Variants in KCNJ1 observed in about 807,000 individuals in gnomAD.
KCNJ1 encodes ATP-sensitive inward rectifier potassium channel 1.
A neutral mutation model predicts 21.9 loss-of-function variants in KCNJ1; 24 were observed. The observed-to-expected ratio is 1.10, with a 90% CI of 0.79 to 1.54. The LOEUF (loss-of-function observed/expected upper bound fraction) is 1.54, where lower values mean the gene tolerates loss of function less well. Ranked by LOEUF, KCNJ1 falls within the 40% of genes most tolerant of loss-of-function variation. The pLI is 0.00. For synonymous variants in KCNJ1, 152 were observed against 160.9 expected, an observed-to-expected ratio of 0.94 and a Z score of 0.42; for missense variants, 457 against 455.4, an observed-to-expected ratio of 1.00 and a Z score of -0.03.
rs899001280 is a variant in KCNJ1 at position 128,838,628 on chromosome 11, CATTG to C, written c.*493_*496del. The C allele has an allele frequency of 2.5e-5, 4 of 156,970 alleles. No homozygotes were observed. The highest frequency in any genetic ancestry group is 2.5e-4 in the Admixed American group (4 of 16,176). 9.7% of individuals were successfully genotyped at this position (156,970 alleles called of 1,614,324 possible). On this transcript the variant is annotated 3_prime_UTR_variant, in exon 3 of 3. Coordinates refer to ENST00000392666, the MANE Select transcript of KCNJ1 (RefSeq NM_153766.3). ...GTTCTTTGTGTAAGCGTTTTCTTGTCATTGATTGGTTGGTTCATCTCCCCAAATT... is the reference window on the plus strand; with the variant it reads ...GTTCTTTGTGTAAGCGTTTTCTTGTCATTGGTTGGTTCATCTCCCCAAATT...
intron 2 of KCNJ1, among the ~76,000 whole-genome samples, chr11:128,841,339 G>A (rs539661846): frequency 6.6e-5 from 10 of 152,304 alleles, no homozygotes; most frequent in East Asian, 1.9e-4. Context: ...TTCAGTAAAC[G>A]TAAATGAAAT....
intron 1 of KCNJ1, among the ~76,000 whole-genome samples, chr11:128,857,698 G>A (rs2135956912): frequency 6.6e-6 from 1 of 152,288 alleles, no homozygotes; most frequent in East Asian, 1.9e-4. Flanking sequence ...AAACATCCAG[G>A]GATGGTGTGG....
At chr11:128,858,205 G>A (rs569049612) in intron 1 of KCNJ1, among the ~76,000 whole-genome samples, 29 of 151,682 alleles carry the variant, frequency 1.9e-4, no homozygotes, top group Admixed American at 7.2e-4. Flanking sequence ...GAAGGGATGC[G>A]GAGGCAAAGA....
rs892013110 is a variant in KCNJ1, at chr11:128,839,826, G to A, written c.418C>T (p.Leu140=). 1 of 1,614,136 alleles carries A rather than the reference G, an allele frequency of 6.2e-7. No individual in the cohort carries two copies. Among genetic ancestry groups the A allele is most frequent in the Non-Finnish European group, 8.5e-7 (1 of 1,180,000 alleles). Residue 140 remains leucine, a synonymous_variant, in exon 3 of 3, where the codon CTG becomes TTG. Coordinates refer to ENST00000392666, the MANE Select transcript of KCNJ1 (RefSeq NM_153766.3). The part of the protein sequence containing the change: ...VTEQCATAIF[L]LIFQSILGVI... ...CCAAGTATAGACTGAAAGATAAGCAGAAAAATGGCAGTGGCACACTGTTCT... is the reference window on the plus strand; with the variant it reads ...CCAAGTATAGACTGAAAGATAAGCAAAAAAATGGCAGTGGCACACTGTTCT...
chr11:128,865,793 T>C lies in KCNJ1; in HGVS notation c.-192+1380A>G, dbSNP rs569049517. 9.7e-4 allele frequency among the ~76,000 whole-genome samples: 148 copies of C among 152,132 alleles called. 1 individual carries two copies. Among genetic ancestry groups the C allele is most frequent in the African/African-American group, 3.3e-3 (136 of 41,502 alleles). On this transcript the variant is annotated intron_variant, in intron 1 of 2. Transcript: ENST00000392666. ...CATTACTGAGGAAAGGAAAAGAACGTGAATGGGGAATTTTGAGACTTAGCT... is the reference window on the plus strand; with the variant it reads ...CATTACTGAGGAAAGGAAAAGAACGCGAATGGGGAATTTTGAGACTTAGCT...
At chr11:128,846,214 T>C (rs1446637898) in intron 2 of KCNJ1, among the ~76,000 whole-genome samples, 2 of 152,158 alleles carry the variant, frequency 1.3e-5, no homozygotes, top group African/African-American at 4.8e-5. Flanking sequence ...TCAGGTGAGC[T>C]AAGCAAACCA....
intron 1 of KCNJ1, among the ~76,000 whole-genome samples, chr11:128,852,925 G>A (rs1162485924): frequency 3.3e-5 from 5 of 152,246 alleles, no homozygotes; most frequent in African/African-American, 4.8e-5. Flanking sequence ...AGGAGAGGCC[G>A]GTGGTACCTA....
rs571783808 is a variant in KCNJ1 at position 128,838,831 on chromosome 11, A to T, written c.*294T>A. 2 of 373,740 alleles carry T rather than the reference A, an allele frequency of 5.4e-6. No individual in the cohort carries two copies. The highest frequency in any genetic ancestry group is 4.2e-5 in the African/African-American group (2 of 48,100). 23.2% of individuals were successfully genotyped at this position (373,740 alleles called of 1,614,324 possible). On this transcript the variant is annotated 3_prime_UTR_variant, in exon 3 of 3. Transcript: ENST00000392666. ...TGTTCATGAAACTTTTGATAATTTT[A>T]TCTGCTCCAATCCACCTTATATGAG... is the stretch of plus-strand genomic sequence containing the variant.
At chr11:128,860,162 A>G (rs1337726757) in intron 1 of KCNJ1, among the ~76,000 whole-genome samples, 1 of 152,216 alleles carries the variant, frequency 6.6e-6, no homozygotes, top group Non-Finnish European at 1.5e-5. Context: ...GATGACAATG[A>G]TGCTATCTAC....
At chr11:128,849,655 A>C (rs919842177) in intron 2 of KCNJ1, among the ~76,000 whole-genome samples, 4 of 152,228 alleles carry the variant, frequency 2.6e-5, no homozygotes, top group Non-Finnish European at 5.9e-5. Context: ...TGATATCAAC[A>C]GAATTAAGAA....
chr11:128,852,878 C>A (rs1591414687), intron 1 of KCNJ1, among the ~76,000 whole-genome samples: 2 of 152,264 alleles, frequency 1.3e-5, no homozygotes, highest in South Asian at 4.1e-4. Context: ...CATGCCAAGG[C>A]AGGCAAGCTC....
At chr11:128,855,663 G>A (rs760238330) in intron 1 of KCNJ1, among the ~76,000 whole-genome samples, 13 of 152,140 alleles carry the variant, frequency 8.5e-5, no homozygotes, top group South Asian at 2.1e-4. Flanking sequence ...AAACCTGAAC[G>A]TTCTCCTCCA....
intron 1 of KCNJ1, chr11:128,866,476 T>C (rs1369523195): frequency 2.6e-6 from 2 of 760,634 alleles, no homozygotes; most frequent in Non-Finnish European, 3.2e-6. Context: ...TAAGCGTCTA[T>C]GCACCAAATC....
intron 2 of KCNJ1, chr11:128,842,361 A>C: frequency 6.2e-7 from 1 of 1,613,640 alleles, no homozygotes; most frequent in Non-Finnish European, 8.5e-7. Context: ...CAGAGAGGTG[A>C]TTTCCCCAGC....
At chr11:128,855,849 T>G (rs1043951088) in intron 1 of KCNJ1, among the ~76,000 whole-genome samples, 2 of 152,160 alleles carry the variant, frequency 1.3e-5, no homozygotes, top group Admixed American at 1.3e-4. Flanking sequence ...AAAGGCTGAG[T>G]TGGCACTTGG....
rs537647543 is a variant in KCNJ1, at chr11:128,839,425, T to C, written c.819A>G (p.Glu273=). Residue 273 remains glutamate (E), a synonymous_variant, in exon 3 of 3, where the codon GAA becomes GAG. Coordinates refer to ENST00000392666, the MANE Select transcript of KCNJ1 (RefSeq NM_153766.3). ...AAETLLQQDF[E]LVVFLDGTVE... ...CTGTGCCATCTAAAAACACCACTAA[T>C]TCAAAGTCCTGCTGGAGAAGGGTCT... 6 of 1,614,140 alleles carry C rather than the reference T, an allele frequency of 3.7e-6. No individual in the cohort carries two copies. The highest frequency in any genetic ancestry group is 1.3e-5 in the African/African-American group (1 of 75,044).
chr11:128,857,433 T>C (rs1454200704), intron 1 of KCNJ1, among the ~76,000 whole-genome samples: 1 of 152,172 alleles, frequency 6.6e-6, no homozygotes, highest in African/African-American at 2.4e-5. Flanking sequence ...CTTGCCTTCC[T>C]CTGAATACCC....
In KCNJ1 at chr11:128,839,105, C is replaced by T; in HGVS notation, c.*20G>A. The T allele has an allele frequency of 1.2e-6, 2 of 1,609,396 alleles. No homozygotes were observed. The highest frequency in any genetic ancestry group is 1.7e-6 in the Non-Finnish European group (2 of 1,178,000). ...TAGGAGCTTTAGAGACTTTGCTTTA[C>T]TCCCGTTGAAAAGCCACTGTTACAT... On this transcript the variant is annotated 3_prime_UTR_variant, in exon 3 of 3. Transcript: ENST00000392666.
chr11:128,841,485 C>T (rs1188451024), intron 2 of KCNJ1, among the ~76,000 whole-genome samples: 1 of 152,136 alleles, frequency 6.6e-6, no homozygotes, highest in African/African-American at 2.4e-5. Flanking sequence ...TGGTGAAACC[C>T]AAAGTCATAA....
Sources: gnomAD v4.1 joint callset for allele counts (sites outside exome capture counted in the v4.1 genomes callset) on GRCh38, gnomAD v4.1.1 for gene constraint, MANE v1.5 for transcripts, NCBI Gene and HGNC (gene_info 2026-07-23, HGNC 2026-07-21) for gene names.